Variants in VPS13B observed in about 807,000 individuals in gnomAD.
VPS13B encodes vacuolar protein sorting 13 homolog B, also known as intermembrane lipid transfer protein VPS13B.
A neutral mutation model predicts 426.4 loss-of-function variants in VPS13B; 285 were observed. That is an observed-to-expected ratio of 0.67 (90% CI 0.61 to 0.74). The LOEUF (loss-of-function observed/expected upper bound fraction) is 0.74. Ranked by LOEUF, VPS13B falls within the 30% of genes least tolerant of loss-of-function variation. VPS13B has a pLI of 0.00. For missense variants in VPS13B, 4,537 were observed against 4,782.6 expected (o/e 0.95, Z 1.51); for synonymous variants, 1,676 against 1,676.4 (o/e 1.00, Z 0.01).
chr8:99,041,104 T>C (rs746297166), intron 3 of VPS13B, among the ~76,000 whole-genome samples: 1 of 152,168 alleles, frequency 6.6e-6, no homozygotes, highest in Non-Finnish European at 1.5e-5. Context: ...GTTTTACTTA[T>C]AGAGATTTTT....
chr8:99,848,375 G>A (rs1425299482), intron 54 of VPS13B, among the ~76,000 whole-genome samples: 1 of 152,152 alleles, frequency 6.6e-6, no homozygotes, highest in Admixed American at 6.5e-5. Context: ...CAACACCCAA[G>A]AGCCTGAAAG....
intron 29 of VPS13B, among the ~76,000 whole-genome samples, 160 bp downstream of exon 29, chr8:99,511,672 A>G (rs566999624): frequency 3.3e-5 from 5 of 152,308 alleles, no homozygotes; most frequent in African/African-American, 1.2e-4. Flanking sequence ...TCTACAAATC[A>G]TTAGGAAATA....
At chr8:99,527,771 G>A (rs1563777501) in intron 30 of VPS13B, 1 of 152,086 alleles carries the variant, frequency 6.6e-6, no homozygotes, top group African/African-American at 2.4e-5. Context: ...AAACAAACGA[G>A]ATGAAAATAT....
rs577614400 is a variant in VPS13B at position 99,736,401 on chromosome 8, C to T, written c.7050+15354C>T. Among the ~76,000 whole-genome samples the T allele has an allele frequency of 5.9e-5, 9 of 152,106 alleles. No homozygotes were observed. In the East Asian group the frequency reaches 1.5e-3, roughly 26 times the overall value. ...TAGCCTGGTCAACATGGTGAAACCC[C>T]GTCTCTACTAAAAATATGAAAAGTT... is the stretch of plus-strand genomic sequence containing the variant. On this transcript the variant is annotated intron_variant, in intron 39 of 61. Transcript: ENST00000357162.
chr8:99,507,715 GGCTTTTATT>G (rs1821574191), intron 28 of VPS13B: 1 of 1,612,206 alleles, frequency 6.2e-7, no homozygotes, highest in African/African-American at 1.3e-5. Context: ...TTTTGCTTAT[GGCTTTTATT>G]GCTTTTTGTC....
chr8:99,150,001 C>T (rs561917000), intron 14 of VPS13B, among the ~76,000 whole-genome samples: 19 of 152,140 alleles, frequency 1.2e-4, no homozygotes, highest in Admixed American at 2.6e-4. Flanking sequence ...GGTTGGTGTC[C>T]GCTGACAGTG....
chr8:99,066,346 C>T (rs893392729), intron 3 of VPS13B, among the ~76,000 whole-genome samples: 32 of 152,256 alleles, frequency 2.1e-4, no homozygotes, highest in African/African-American at 7.0e-4. Flanking sequence ...GAAATAACAC[C>T]ACACATCTAC....
intron 3 of VPS13B, among the ~76,000 whole-genome samples, chr8:99,060,266 T>C (rs1029601517): frequency 6.6e-6 from 1 of 152,144 alleles, no homozygotes; most frequent in Non-Finnish European, 1.5e-5. Flanking sequence ...TTCTTTTTAG[T>C]TAGCTATTTG....
At chr8:99,594,578 T>C (rs1826894941) in intron 33 of VPS13B, among the ~76,000 whole-genome samples, 1 of 152,038 alleles carries the variant, frequency 6.6e-6, no homozygotes, top group Non-Finnish European at 1.5e-5. Context: ...TATTGCTTAA[T>C]GTTTTTGAGC....
intron 5 of VPS13B, among the ~76,000 whole-genome samples, chr8:99,107,959 A>G (rs974741467): frequency 6.6e-6 from 1 of 152,210 alleles, no homozygotes; most frequent in East Asian, 1.9e-4. Context: ...TAATGAGCAT[A>G]GTACCTAATG....
chr8:99,422,029 T>C (rs1816404163), intron 21 of VPS13B, among the ~76,000 whole-genome samples: 1 of 152,130 alleles, frequency 6.6e-6, no homozygotes, highest in Non-Finnish European at 1.5e-5. Flanking sequence ...GCCTGGCTTG[T>C]AGTAGGTGCT....
intron 54 of VPS13B, among the ~76,000 whole-genome samples, chr8:99,842,584 C>A (rs890821928): frequency 6.6e-6 from 1 of 151,950 alleles, no homozygotes; most frequent in African/African-American, 2.4e-5. Flanking sequence ...CACAGCATTC[C>A]GGCCTGGTTA....
intron 33 of VPS13B, among the ~76,000 whole-genome samples, chr8:99,640,093 AAAGAAAAG>A (rs1829291500): frequency 6.7e-6 from 1 of 150,326 alleles, no homozygotes; most frequent in Non-Finnish European, 1.5e-5. Flanking sequence ...AAAGAAAAGA[AAAGAAAAG>A]AAAAGAAAAG....
chr8:99,630,682 G>GAAA (rs60440081), intron 33 of VPS13B, among the ~76,000 whole-genome samples: 2 of 150,882 alleles, frequency 1.3e-5, no homozygotes, highest in East Asian at 3.9e-4. Context: ...TAATGTAGGG[G>GAAA]AAAAAAAACC....
At chr8:99,644,332 T>A (rs1040367633) in intron 34 of VPS13B, among the ~76,000 whole-genome samples, 1 of 152,194 alleles carries the variant, frequency 6.6e-6, no homozygotes, top group African/African-American at 2.4e-5. Flanking sequence ...TTGGCTTCAG[T>A]CTGTTTTATT....
chr8:99,845,883 G>A (rs1486868608), intron 54 of VPS13B, among the ~76,000 whole-genome samples: 1 of 152,138 alleles, frequency 6.6e-6, no homozygotes, highest in African/African-American at 2.4e-5. Flanking sequence ...ACAATAGCAG[G>A]CAGTGGACCA....
rs556172527 is a variant in VPS13B, at chr8:99,638,416, A to G, written c.5221-3395A>G. 9.9e-5 allele frequency among the ~76,000 whole-genome samples: 15 copies of G among 152,218 alleles called. No homozygotes were observed. The Middle Eastern group carries it at 0.014, about 138-fold the overall frequency. On this transcript the variant is annotated intron_variant, in intron 33 of 61. Coordinates refer to ENST00000357162, the MANE Select transcript of VPS13B (RefSeq NM_152564.5). ...GCAAATAATAAACATACTCAGTGGT[A>G]TTTTATTTTTTCTTCAATTGCTCAC...
intron 23 of VPS13B, among the ~76,000 whole-genome samples, chr8:99,454,599 A>C (rs1021429771): frequency 2.0e-5 from 3 of 152,152 alleles, no homozygotes; most frequent in African/African-American, 7.2e-5. Context: ...ATATACCTCC[A>C]TCTGCAGGTT....
At chr8:99,053,447 C>G (rs926551829) in intron 3 of VPS13B, among the ~76,000 whole-genome samples, 1 of 152,018 alleles carries the variant, frequency 6.6e-6, no homozygotes, top group African/African-American at 2.4e-5. Context: ...CCTGGTTCAT[C>G]CAGGCCCCTA....
Sources: gnomAD v4.1 joint callset for allele counts (sites outside exome capture counted in the v4.1 genomes callset) on GRCh38, gnomAD v4.1.1 for gene constraint, MANE v1.5 for transcripts, NCBI Gene and HGNC (gene_info 2026-07-23, HGNC 2026-07-21) for gene names.